The following CDH12 variants were observed in gnomAD, a reference collection of about 807,000 sequenced individuals.
CDH12 encodes the protein cadherin-12.
In CDH12, 41 loss-of-function variants were observed where a neutral mutation model predicts 74.1. The observed-to-expected ratio is 0.55, with a 90% CI of 0.43 to 0.72. CDH12 has a LOEUF of 0.72. CDH12 is among the 30% of genes least tolerant of loss of function. The pLI, the probability that CDH12 is intolerant of heterozygous loss-of-function variation, is 0.00. For missense variants in CDH12, 945 were observed against 977.2 expected (o/e 0.97, Z 0.44); for synonymous variants, 399 against 355.0 (o/e 1.12, Z -1.39).
At chr5:22,125,719 G>A (rs903397784) in intron 4 of CDH12, among the ~76,000 whole-genome samples, 1 of 152,126 alleles carries the variant, frequency 6.6e-6, no homozygotes, top group African/African-American at 2.4e-5. Flanking sequence ...TGAGTTCCAT[G>A]TACACATCCC....
intron 4 of CDH12, among the ~76,000 whole-genome samples, chr5:22,090,622 C>G (rs1280172122): frequency 6.6e-6 from 1 of 151,568 alleles, no homozygotes; most frequent in African/African-American, 2.4e-5. Flanking sequence ...CACACACACA[C>G]ACACACCCTC....
At chr5:21,786,359 G>A (rs1487305335) in intron 10 of CDH12, among the ~76,000 whole-genome samples, 1 of 152,050 alleles carries the variant, frequency 6.6e-6, no homozygotes, top group Non-Finnish European at 1.5e-5. Flanking sequence ...TCACCATGTT[G>A]GTCAGGCTAG....
chr5:22,742,127 A>G (rs780033970), intron 1 of CDH12, among the ~76,000 whole-genome samples: 39 of 152,056 alleles, frequency 2.6e-4, no homozygotes, highest in Middle Eastern at 3.2e-3. Context: ...GGTTGCAGTG[A>G]GCTGAGATTG....
intron 1 of CDH12, among the ~76,000 whole-genome samples, chr5:22,589,404 A>G (rs1420409882): frequency 1.3e-5 from 2 of 152,176 alleles, no homozygotes; most frequent in African/African-American, 4.8e-5. Context: ...GTTGTAATCC[A>G]TCAAGATTTT....
chr5:22,274,359 CTAAT>C (rs1224195519), intron 3 of CDH12, among the ~76,000 whole-genome samples: 2 of 152,028 alleles, frequency 1.3e-5, no homozygotes, highest in African/African-American at 4.8e-5. Flanking sequence ...AAATTTTAAT[CTAAT>C]TAAACATAGA....
intron 1 of CDH12, among the ~76,000 whole-genome samples, chr5:22,827,983 A>T (rs932685110): frequency 3.9e-5 from 6 of 152,156 alleles, no homozygotes; most frequent in Non-Finnish European, 8.8e-5. Context: ...TAAAAAGTAA[A>T]ATAATATGGG....
intron 3 of CDH12, among the ~76,000 whole-genome samples, chr5:22,341,214 A>G (rs1356345638): frequency 1.3e-5 from 2 of 152,208 alleles, no homozygotes; most frequent in Non-Finnish European, 2.9e-5. Flanking sequence ...AAGAATGGTC[A>G]GGCCAGGTGC....
intron 2 of CDH12, among the ~76,000 whole-genome samples, chr5:22,465,306 A>G (rs1451377003): frequency 6.6e-6 from 1 of 152,090 alleles, no homozygotes; most frequent in African/African-American, 2.4e-5. Flanking sequence ...TGGACCAAAT[A>G]CTCAAAAGTA....
At chr5:22,846,141 A>G (rs1308347450) in intron 1 of CDH12, among the ~76,000 whole-genome samples, 3 of 152,130 alleles carry the variant, frequency 2.0e-5, no homozygotes, top group African/African-American at 7.2e-5. Flanking sequence ...AAGAAATTGG[A>G]TGGATAATTA....
intron 1 of CDH12, among the ~76,000 whole-genome samples, chr5:22,769,200 T>G (rs1746682442): frequency 6.6e-6 from 1 of 152,150 alleles, no homozygotes; most frequent in African/African-American, 2.4e-5. Context: ...AATTAACATT[T>G]GAGTCAGTGG....
chr5:22,427,455 T>C (rs1392322309), intron 2 of CDH12, among the ~76,000 whole-genome samples: 1 of 152,110 alleles, frequency 6.6e-6, no homozygotes, highest in Non-Finnish European at 1.5e-5. Flanking sequence ...CATGAGCCAC[T>C]GCATCTGACC....
chr5:21,776,003 C>T (rs1041373303), intron 11 of CDH12, among the ~76,000 whole-genome samples: 1 of 152,142 alleles, frequency 6.6e-6, no homozygotes, highest in African/African-American at 2.4e-5. Context: ...TGGTCTGAAG[C>T]TAGTGGCTTG....
chr5:22,049,057 G>C (rs1740163684), intron 5 of CDH12, among the ~76,000 whole-genome samples: 1 of 152,012 alleles, frequency 6.6e-6, no homozygotes, highest in Non-Finnish European at 1.5e-5. Context: ...ATCATCTCTA[G>C]AGCGACTAGC....
intron 6 of CDH12, among the ~76,000 whole-genome samples, chr5:21,918,408 G>A (rs975127234): frequency 2.6e-5 from 4 of 151,346 alleles, no homozygotes; most frequent in African/African-American, 9.7e-5. Context: ...CATTTGTATT[G>A]GTCCATTCTC....
At chr5:22,035,484 G>T (rs1035824787) in intron 5 of CDH12, among the ~76,000 whole-genome samples, 10 of 151,852 alleles carry the variant, frequency 6.6e-5, no homozygotes, top group African/African-American at 2.4e-4. Flanking sequence ...TGTGAAAACT[G>T]TAAATAACTA....
At chr5:22,021,964 T>C (rs891588093) in intron 5 of CDH12, among the ~76,000 whole-genome samples, 1 of 152,116 alleles carries the variant, frequency 6.6e-6, no homozygotes, top group Non-Finnish European at 1.5e-5. Flanking sequence ...GCCTCCTGAG[T>C]AGTGAGGATT....
At chr5:22,580,290 T>A (rs1740017488) in intron 1 of CDH12, 1 of 390,720 alleles carries the variant, frequency 2.6e-6, no homozygotes, top group African/African-American at 2.1e-5. Context: ...GGCAAAGAGG[T>A]CGTCGATGTC....
chr5:22,196,147 ATTTTTTT>A (rs71609752), intron 4 of CDH12, among the ~76,000 whole-genome samples: 16 of 132,104 alleles, frequency 1.2e-4, no homozygotes, highest in African/African-American at 4.2e-4. Context: ...TCTGCATGTA[ATTTTTTT>A]TTTTTTTTTT....
intron 3 of CDH12, among the ~76,000 whole-genome samples, chr5:22,316,990 A>C (rs1182726123): frequency 6.6e-6 from 1 of 152,170 alleles, no homozygotes; most frequent in African/African-American, 2.4e-5. Flanking sequence ...TAGATGAGAA[A>C]TGTACCACTT....
Sources: allele counts gnomAD v4.1 joint callset (sites outside exome capture counted in the v4.1 genomes callset), GRCh38; gene constraint gnomAD v4.1.1; transcripts MANE v1.5; gene names NCBI Gene and HGNC (gene_info 2026-07-23, HGNC 2026-07-21).